The following PRSS23 variants were observed in gnomAD, a reference collection of about 807,000 sequenced individuals.
PRSS23 encodes the protein protease, serine 23.
A neutral mutation model predicts 34.7 loss-of-function variants in PRSS23; 25 were observed. The observed-to-expected ratio is 0.72, with a 90% confidence interval of 0.53 to 1.01. The LOEUF (loss-of-function observed/expected upper bound fraction) is 1.01, where lower values mean the gene tolerates loss of function less well. Ranked by LOEUF, PRSS23 falls within the 50% of genes least tolerant of loss-of-function variation. The pLI is 0.00. For synonymous variants in PRSS23, 176 were observed against 186.6 expected, an observed-to-expected ratio of 0.94 and a Z score of 0.46; for missense variants, 445 against 475.6, an observed-to-expected ratio of 0.94 and a Z score of 0.60.
chr11:86,808,407 C>T lies in PRSS23; in HGVS notation c.764C>T (p.Pro255Leu). Residue 255 changes from proline to leucine, a missense_variant, in exon 2 of 2, where the codon CCC (proline) becomes CTC (leucine). Physicochemically the swap from Pro to Leu is moderately conservative, Grantham distance 98 (BLOSUM62 -3). Coordinates refer to ENST00000280258, the MANE Select transcript of PRSS23 (RefSeq NM_007173.6). ...YDYALLELKK[P>L]HKRKFMKIGV... is the part of the protein sequence containing the mutation. ...TATGCCCTCCTGGAACTCAAAAAGC[C>T]CCACAAGAGAAAATTTATGAAGATT... 6.2e-7 allele frequency: 1 copy of T among 1,614,186 alleles called. No homozygotes were observed. Among genetic ancestry groups the T allele is most frequent in the Non-Finnish European group, 8.5e-7 (1 of 1,180,046 alleles).
At chr11:86,844,553 G>A (rs1188961825) in intron 2 of PRSS23, among the ~76,000 whole-genome samples, 3 of 152,206 alleles carry the variant, frequency 2.0e-5, no homozygotes, top group African/African-American at 7.2e-5. Context: ...TAATGTGAAA[G>A]TCTAAAATGT....
rs1327619499 is a variant in PRSS23, at chr11:86,895,561, C to G, written c.207-55655C>G. Reference sequence around the variant, plus strand: ...GTGATGTGATCTTGGCTCACTGCAGCCTTGACCTCTTGGGCTCAAGTGATC... The same window carrying G: ...GTGATGTGATCTTGGCTCACTGCAGGCTTGACCTCTTGGGCTCAAGTGATC... On this transcript the variant is annotated intron_variant, in intron 2 of 2. Transcript: ENST00000533902. Among the ~76,000 whole-genome samples, 5 of 142,514 alleles carry G rather than the reference C, an allele frequency of 3.5e-5. 1 individual carries two copies. Among genetic ancestry groups the G allele is most frequent in the South Asian group, 4.5e-4 (2 of 4,478 alleles). The allele number at this position is 142,514 out of a possible 152,430, so 93.5% of individuals were successfully genotyped here. A position where few individuals can be genotyped will look rare whatever the true frequency, so the allele number is the denominator to read the frequency against.
intron 2 of PRSS23, among the ~76,000 whole-genome samples, chr11:86,836,310 T>G (rs1239074138): frequency 1.3e-5 from 2 of 152,160 alleles, no homozygotes; most frequent in African/African-American, 4.8e-5. Flanking sequence ...GGAGTCCTTG[T>G]TGGGCCTTGG....
At chr11:86,883,249 C>G (rs906056839) in intron 2 of PRSS23, among the ~76,000 whole-genome samples, 5 of 152,168 alleles carry the variant, frequency 3.3e-5, no homozygotes, top group Non-Finnish European at 7.4e-5. Flanking sequence ...AACCATACTA[C>G]AGGGATACAG....
At chr11:86,952,540 A>G (rs1949303768) in exon 3 of PRSS23, 2 of 1,557,436 alleles carry the variant, frequency 1.3e-6, no homozygotes, top group African/African-American at 1.3e-5. Context: ...ATGCTCCCAC[A>G]AAGCTGAGTT....
rs1207843563 is a variant in PRSS23, at chr11:86,800,558, CG to C, written c.-103del. ...AGCTTGCTCGCACTCGGCTGTGCGG[CG>C]GGGCAGGCATGGGAGCCGCGCGCTC... On this transcript the variant is annotated 5_prime_UTR_variant, in exon 1 of 2. Coordinates refer to ENST00000280258, the MANE Select transcript of PRSS23 (RefSeq NM_007173.6). 2.0e-6 allele frequency: 2 copies of C among 984,620 alleles called. No homozygotes were observed. The highest frequency in any genetic ancestry group is 2.4e-6 in the Non-Finnish European group (2 of 829,736). 61.0% of individuals were successfully genotyped at this position (984,620 alleles called of 1,614,324 possible). A position where few individuals can be genotyped will look rare whatever the true frequency, so the allele number is the denominator to read the frequency against.
intron 2 of PRSS23, among the ~76,000 whole-genome samples, chr11:86,842,709 T>C (rs1188840671): frequency 1.3e-5 from 2 of 152,148 alleles, no homozygotes; most frequent in African/African-American, 4.8e-5. Flanking sequence ...GAATCCAAAT[T>C]ACAAGGGATG....
intron 2 of PRSS23, among the ~76,000 whole-genome samples, chr11:86,852,111 C>T (rs2134919787): frequency 6.6e-6 from 1 of 152,304 alleles, no homozygotes. Flanking sequence ...CTGCCCCTCC[C>T]CTCTGCTGGG....
At chr11:86,849,438 T>G (rs1444091189) in intron 2 of PRSS23, among the ~76,000 whole-genome samples, 1 of 152,140 alleles carries the variant, frequency 6.6e-6, no homozygotes, top group African/African-American at 2.4e-5. Flanking sequence ...GAAGAAGGAA[T>G]CAACTCTGAA....
At chr11:86,821,328 AT>A in intron 1 of PRSS23, 1 of 684,010 alleles carries the variant, frequency 1.5e-6, no homozygotes, top group Non-Finnish European at 2.4e-6. Flanking sequence ...ACATGTGAAA[AT>A]ATTCTGTAAC....
chr11:86,938,921 G>C, intron 2 of PRSS23: 1 of 379,620 alleles, frequency 2.6e-6, no homozygotes, highest in South Asian at 2.0e-5. Context: ...ACCAGAAAAG[G>C]ACCATGCTTC....
At chr11:86,945,179 T>C (rs1265450204) in intron 2 of PRSS23, among the ~76,000 whole-genome samples, 2 of 151,748 alleles carry the variant, frequency 1.3e-5, no homozygotes, top group Non-Finnish European at 2.9e-5. Flanking sequence ...TGCCCATGTC[T>C]ATTACACAAA....
Position 86,808,942 on chromosome 11 carries a change from C to A in PRSS23, c.*147C>A, listed in dbSNP as rs373808325. 63 of 672,408 alleles carry A rather than the reference C, an allele frequency of 9.4e-5. 1 individual carries two copies. In the African/African-American group the frequency reaches 9.6e-4, roughly 10 times the overall value. The allele number at this position is 672,408 out of a possible 1,614,324, so 41.7% of individuals were successfully genotyped here. A position where few individuals can be genotyped will look rare whatever the true frequency, so the allele number is the denominator to read the frequency against. On this transcript the variant is annotated 3_prime_UTR_variant, in exon 2 of 2. Transcript: ENST00000280258. Reference sequence around the variant, plus strand: ...CTTATAATCTTTTACCTATTTCTTACAATTGCAAGATGACTGGCTTTACTA... The same window carrying A: ...CTTATAATCTTTTACCTATTTCTTAAAATTGCAAGATGACTGGCTTTACTA...
intron 2 of PRSS23, among the ~76,000 whole-genome samples, chr11:86,914,298 A>G (rs912614904): frequency 6.6e-6 from 1 of 152,214 alleles, no homozygotes; most frequent in African/African-American, 2.4e-5. Flanking sequence ...GAATGCCTCA[A>G]ATTAATCAGG....
At chr11:86,798,958 G>A (rs1364923066), upstream of PRSS23, among the ~76,000 whole-genome samples, 1 of 152,216 alleles carries the variant, frequency 6.6e-6, no homozygotes, top group East Asian at 1.9e-4. Context: ...GTCTTCCAAA[G>A]TGCTACGATT....
intron 2 of PRSS23, among the ~76,000 whole-genome samples, chr11:86,838,220 A>C (rs372452632): frequency 1.3e-5 from 2 of 152,134 alleles, no homozygotes; most frequent in African/African-American, 4.8e-5. Flanking sequence ...TCACCAGCAC[A>C]TCCATCACCA....
intron 2 of PRSS23, among the ~76,000 whole-genome samples, chr11:86,881,015 A>T (rs1948769011): frequency 6.6e-6 from 1 of 152,078 alleles, no homozygotes. Flanking sequence ...CTTCCTTTCC[A>T]ATCTCGATTA....
At chr11:86,938,111 C>G (rs1312381399) in intron 2 of PRSS23, among the ~76,000 whole-genome samples, 1 of 152,198 alleles carries the variant, frequency 6.6e-6, no homozygotes, top group African/African-American at 2.4e-5. Flanking sequence ...ATGCAACAAT[C>G]CAGTGCCACA....
chr11:86,941,022 T>A (rs965272703), intron 2 of PRSS23: 2 of 152,208 alleles, frequency 1.3e-5, no homozygotes, highest in African/African-American at 4.8e-5. Context: ...CGATGGCACA[T>A]AATGAGTAAG....
Sources: allele counts gnomAD v4.1 joint callset (sites outside exome capture counted in the v4.1 genomes callset), GRCh38; gene constraint gnomAD v4.1.1; transcripts MANE v1.5; gene names NCBI Gene and HGNC (gene_info 2026-07-23, HGNC 2026-07-21).